Variants in MBD5 observed in about 807,000 individuals in gnomAD.
The protein encoded by MBD5 is methyl-CpG-binding domain protein 5.
Under a neutral mutation model 117.3 loss-of-function variants are expected in MBD5, and 13 were observed. The ratio of observed to expected loss-of-function variants is 0.11; its 90% CI spans 0.07 to 0.18. The LOEUF (loss-of-function observed/expected upper bound fraction) is 0.18. Ranked by LOEUF, MBD5 falls within the 10% of genes least tolerant of loss-of-function variation. MBD5 has a pLI of 1.00. For missense variants in MBD5, 1,879 were observed against 2,093.8 expected (o/e 0.90, Z 2.00); for synonymous variants, 727 against 766.4 (o/e 0.95, Z 0.85).
chr2:148,080,812 A>G (rs1695629839), intron 1 of MBD5, among the ~76,000 whole-genome samples: 1 of 152,198 alleles, frequency 6.6e-6, no homozygotes, highest in Admixed American at 6.5e-5. Context: ...AAACATTTAA[A>G]AAGTATTAGA....
intron 4 of MBD5, among the ~76,000 whole-genome samples, chr2:148,421,173 A>C (rs1368492002): frequency 6.6e-6 from 1 of 152,202 alleles, no homozygotes; most frequent in East Asian, 1.9e-4. Flanking sequence ...TGCAGCTCCC[A>C]GCAAGATTGA....
intron 12 of MBD5, among the ~76,000 whole-genome samples, chr2:148,506,056 T>C (rs1682020929): frequency 6.6e-6 from 1 of 152,252 alleles, no homozygotes; most frequent in Non-Finnish European, 1.5e-5. Flanking sequence ...GAAAATTATC[T>C]GTTATTTTTG....
At chr2:148,057,372 C>G (rs1417736840) in intron 1 of MBD5, among the ~76,000 whole-genome samples, 1 of 151,658 alleles carries the variant, frequency 6.6e-6, no homozygotes, top group East Asian at 1.9e-4. Flanking sequence ...CCTTTAAGTA[C>G]TGCTTTAGCT....
chr2:148,362,057 T>C (rs572403211), intron 4 of MBD5, among the ~76,000 whole-genome samples: 309 of 152,230 alleles, frequency 2.0e-3, no homozygotes, highest in Middle Eastern at 0.01. Flanking sequence ...CAAAACTGGG[T>C]GGCCATTTGG....
intron 2 of MBD5, among the ~76,000 whole-genome samples, chr2:148,205,609 T>C (rs2105979772): frequency 6.6e-6 from 1 of 152,334 alleles, no homozygotes; most frequent in Non-Finnish European, 1.5e-5. Context: ...ATAAATTACA[T>C]GTTTATTTGT....
chr2:148,250,888 GC>G (rs1700449458), intron 3 of MBD5, among the ~76,000 whole-genome samples: 1 of 152,138 alleles, frequency 6.6e-6, no homozygotes, highest in Admixed American at 6.5e-5. Flanking sequence ...TCTTTCTGCT[GC>G]CCTATTTTGC....
rs1471943520 is a variant in MBD5 at position 148,515,921 on chromosome 2, A to C, written c.*2980A>C. 6.6e-6 allele frequency: 1 copy of C among 152,208 alleles called. No individual in the cohort carries two copies. The highest frequency in any genetic ancestry group is 1.5e-5 in the Non-Finnish European group (1 of 68,020). 9.4% of individuals were successfully genotyped at this position (152,208 alleles called of 1,614,324 possible). On this transcript the variant is annotated 3_prime_UTR_variant, in exon 14 of 14. Coordinates refer to ENST00000642680, the MANE Select transcript of MBD5 (RefSeq NM_001378120.1). ...AGCAAACCAGGGTTTTTATTTATTT[A>C]AAGGAACATTTTTGGCTTGTACTTT...
chr2:148,380,739 C>T (rs1249822382), intron 4 of MBD5, among the ~76,000 whole-genome samples: 1 of 152,106 alleles, frequency 6.6e-6, no homozygotes, highest in African/African-American at 2.4e-5. Context: ...CGGACTGACA[C>T]CTCACACAGC....
chr2:148,317,615 T>C (rs1004285079), intron 3 of MBD5, among the ~76,000 whole-genome samples: 1 of 143,064 alleles, frequency 7.0e-6, no homozygotes, highest in South Asian at 2.5e-4. Flanking sequence ...CTTCCCACCC[T>C]CCCACCTTTT....
At chr2:148,185,738 CT>C (rs1338750977) in intron 2 of MBD5, among the ~76,000 whole-genome samples, 15 of 152,196 alleles carry the variant, frequency 9.9e-5, no homozygotes, top group African/African-American at 3.4e-4. Flanking sequence ...CTCCTCTCTA[CT>C]AAAAAATGTA....
intron 4 of MBD5, among the ~76,000 whole-genome samples, chr2:148,452,405 C>A (rs1417249060): frequency 1.3e-5 from 2 of 151,998 alleles, no homozygotes; most frequent in African/African-American, 4.8e-5. Context: ...GAGGCTGAGG[C>A]AGGAGGATAG....
At chr2:148,253,866 G>A (rs1414145477) in intron 3 of MBD5, among the ~76,000 whole-genome samples, 3 of 152,186 alleles carry the variant, frequency 2.0e-5, no homozygotes, top group African/African-American at 2.4e-5. Flanking sequence ...TGTGACTCAC[G>A]TGACATGGTT....
chr2:148,416,005 C>G (rs75909570), intron 4 of MBD5, among the ~76,000 whole-genome samples: 1 of 152,274 alleles, frequency 6.6e-6, no homozygotes, highest in African/African-American at 2.4e-5. Flanking sequence ...TTTTAAGGAA[C>G]TGGTGCCATC....
At chr2:148,378,215 A>G (rs770066306) in intron 4 of MBD5, among the ~76,000 whole-genome samples, 1 of 152,158 alleles carries the variant, frequency 6.6e-6, no homozygotes, top group African/African-American at 2.4e-5. Context: ...ATGGTTTTAT[A>G]TATTAATCCT....
chr2:148,120,618 G>A (rs1696748661), intron 1 of MBD5, among the ~76,000 whole-genome samples: 1 of 152,112 alleles, frequency 6.6e-6, no homozygotes, highest in African/African-American at 2.4e-5. Context: ...TGTTAACTTT[G>A]TATATTGGTC....
chr2:148,071,801 T>C (rs1695365584), intron 1 of MBD5: 1 of 152,226 alleles, frequency 6.6e-6, no homozygotes, highest in South Asian at 2.1e-4. Flanking sequence ...GGATGCTACG[T>C]TGGCTATCTC....
chr2:148,346,117 T>C (rs895706223), intron 4 of MBD5: 1 of 151,966 alleles, frequency 6.6e-6, no homozygotes, highest in Non-Finnish European at 1.5e-5. Flanking sequence ...AAGGGGTATA[T>C]GGGAGTCTCT....
intron 1 of MBD5, among the ~76,000 whole-genome samples, chr2:148,124,625 A>C (rs536936648): frequency 1.3e-5 from 2 of 152,274 alleles, no homozygotes; most frequent in African/African-American, 4.8e-5. Context: ...AGAAAGTGAA[A>C]GATAAGTGTC....
At chr2:148,405,678 T>C (rs537552460) in intron 4 of MBD5, among the ~76,000 whole-genome samples, 13 of 152,250 alleles carry the variant, frequency 8.5e-5, no homozygotes, top group Middle Eastern at 3.2e-3. Context: ...TCTTGAAATA[T>C]GGCTTCATTA....
Sources: allele counts gnomAD v4.1 joint callset (sites outside exome capture counted in the v4.1 genomes callset), GRCh38; gene constraint gnomAD v4.1.1; transcripts MANE v1.5; gene names NCBI Gene and HGNC (gene_info 2026-07-23, HGNC 2026-07-21).